Variants in KATNIP observed in about 807,000 individuals in gnomAD.
KATNIP encodes the protein katanin interacting protein.
A neutral mutation model predicts 174.0 loss-of-function variants in KATNIP; 126 were observed. That is an observed-to-expected ratio of 0.72 (90% CI 0.63 to 0.84). The LOEUF (loss-of-function observed/expected upper bound fraction) is 0.84. Among genes scored for constraint, KATNIP ranks in the 40% least tolerant of loss-of-function variants. The pLI, the probability that KATNIP is intolerant of heterozygous loss-of-function variation, is 0.00. For missense variants in KATNIP, 1,958 were observed against 2,109.7 expected, an observed-to-expected ratio of 0.93 and a Z score of 1.41; for synonymous variants, 810 against 835.7, an observed-to-expected ratio of 0.97 and a Z score of 0.53.
intron 14 of KATNIP, among the ~76,000 whole-genome samples, chr16:27,722,898 A>C (rs1204242068): frequency 6.6e-6 from 1 of 152,224 alleles, no homozygotes; most frequent in Non-Finnish European, 1.5e-5. Flanking sequence ...TTTTTAAACC[A>C]CCATACAATT....
At chr16:27,655,184 A>G (rs1345807874) in intron 6 of KATNIP, among the ~76,000 whole-genome samples, 1 of 8,460 alleles carries the variant, frequency 1.2e-4, no homozygotes, top group Non-Finnish European at 2.0e-4. Context: ...ATGGATATAT[A>G]TATATATATA....
chr16:27,720,387 G>A (rs538803996), intron 13 of KATNIP, among the ~76,000 whole-genome samples: 4 of 152,056 alleles, frequency 2.6e-5, no homozygotes, highest in Admixed American at 2.6e-4. Context: ...CACAGCACCT[G>A]GCCTACAGTC....
Position 27,698,386 on chromosome 16 carries a change from TGAGTACCCAGAGGAA to T in KATNIP, c.1002_1016del (p.Glu334_Glu338del). 3 of 1,613,300 alleles carry T rather than the reference TGAGTACCCAGAGGAA, an allele frequency of 1.9e-6. No individual in the cohort carries two copies. The highest frequency in any genetic ancestry group is 3.3e-5 in the Admixed American group (2 of 59,914). On this transcript the variant is annotated inframe_deletion, in exon 9 of 28. Transcript: ENST00000261588. ...CAACCCGCAAAACTCTTTGCGAGGC[TGAGTACCCAGAGGAA>T]GATGCCTCTGCTGTGCTCCAAGCCA...
intron 1 of KATNIP, among the ~76,000 whole-genome samples, chr16:27,565,766 AGAGT>A (rs768571518): frequency 4.3e-4 from 65 of 151,790 alleles, no homozygotes; most frequent in Non-Finnish European, 8.8e-4. Flanking sequence ...CCGGGACAGC[AGAGT>A]GAGATGTCTC....
intron 1 of KATNIP, among the ~76,000 whole-genome samples, chr16:27,569,387 A>C (rs777274729): frequency 6.6e-5 from 10 of 152,372 alleles, no homozygotes; most frequent in Non-Finnish European, 1.0e-4. Context: ...ACAAAATTCA[A>C]TGCAGTCACT....
In KATNIP at chr16:27,677,935, A is replaced by C. The variant is rs1318824875; in HGVS notation, c.747A>C (p.Glu249Asp). ...QKDVHGEQETEGRSSPGPDTL... is the reference protein window; with the variant it reads ...QKDVHGEQETDGRSSPGPDTL... The stretch of plus-strand genomic sequence containing the variant: ...ATGTTCACGGGGAACAGGAGACAGA[A>C]GGACGCTCTTCTCCAGGCCCAGACA... Residue 249 changes from glutamate (E) to aspartate (D), a missense_variant, in exon 7 of 28, where the codon GAA (glutamate) becomes GAC (aspartate). Around this residue, in one of 3 missense-constraint regions of KATNIP, gnomAD observed 1,557 missense variants for 1,617.8 expected, o/e 0.96. Transcript: ENST00000261588. 3 of 1,614,128 alleles carry C rather than the reference A, an allele frequency of 1.9e-6. No homozygotes were observed.
chr16:27,715,228 C>T (rs1280828758), intron 13 of KATNIP, among the ~76,000 whole-genome samples: 2 of 152,170 alleles, frequency 1.3e-5, no homozygotes, highest in African/African-American at 2.4e-5. Flanking sequence ...GGGACAAATG[C>T]GTTTCCACAT....
At chr16:27,623,735 C>T (rs1416610530) in intron 3 of KATNIP, among the ~76,000 whole-genome samples, 3 of 152,134 alleles carry the variant, frequency 2.0e-5, no homozygotes, top group African/African-American at 4.8e-5. Flanking sequence ...ACCCCTCAGG[C>T]GACCTGAGAT....
rs1404383291 is a variant in KATNIP at position 27,637,324 on chromosome 16, A to G, written c.408+6162A>G. On this transcript the variant is annotated intron_variant, in intron 5 of 27. Transcript: ENST00000261588. The surrounding 1 kb of genome is among the most constrained non-coding windows in gnomAD (Gnocchi z 4.7). ...GAGCACATACTCAGTTTTGGCACTT[A>G]CAGATGCCGGGTTCCAAGCAATAAG... 2.0e-5 allele frequency among the ~76,000 whole-genome samples: 3 copies of G among 152,228 alleles called. No individual in the cohort carries two copies. The highest frequency in any genetic ancestry group is 2.1e-4 in the South Asian group (1 of 4,818).
rs547282189 is a variant in KATNIP, at chr16:27,563,425, G to A, written c.8-10476G>A. Among the ~76,000 whole-genome samples the A allele has an allele frequency of 2.0e-5, 3 of 152,284 alleles. No homozygotes were observed. The East Asian group carries it at 5.8e-4, about 29-fold the overall frequency. ...TCCCATCTGTGCAGGAGTCCACTTG[G>A]GTGTATCGCTTGAGCCTGGGAGGTC... On this transcript the variant is annotated intron_variant, in intron 1 of 27. Coordinates refer to ENST00000261588, the MANE Select transcript of KATNIP (RefSeq NM_015202.5).
chr16:27,687,649 C>T (rs1319904222), intron 8 of KATNIP: 1 of 152,202 alleles, frequency 6.6e-6, no homozygotes, highest in East Asian at 1.9e-4. Context: ...CTTCTAGAAA[C>T]CTGTTGTCTT....
chr16:27,574,280 C>A (rs1197588924), intron 2 of KATNIP: 15 of 339,466 alleles, frequency 4.4e-5, no homozygotes, highest in Non-Finnish European at 7.3e-5. Context: ...TTGGGCTTAT[C>A]TGGGCAGTTC....
chr16:27,618,393 C>A, intron 2 of KATNIP, 32 bp from the exon 3 acceptor site: 1 of 1,548,582 alleles, frequency 6.5e-7, no homozygotes, highest in Non-Finnish European at 8.9e-7. Context: ...CCCTGCATTC[C>A]GATATCACAC....
At chr16:27,761,738 G>A (rs1033964411) in intron 19 of KATNIP, 148 bp downstream of exon 19, 14 of 722,576 alleles carry the variant, frequency 1.9e-5, no homozygotes, top group East Asian at 5.4e-5. Context: ...AAGGGAAACC[G>A]AGGCTCAGGA....
intron 2 of KATNIP, among the ~76,000 whole-genome samples, chr16:27,599,492 C>G (rs1281768894): frequency 6.6e-6 from 1 of 152,184 alleles, no homozygotes; most frequent in Non-Finnish European, 1.5e-5. Context: ...AGCCTTTGCT[C>G]CATGAATGGT....
At chr16:27,710,363 TAAAC>T (rs1200648416) in intron 13 of KATNIP, among the ~76,000 whole-genome samples, 2 of 151,764 alleles carry the variant, frequency 1.3e-5, no homozygotes, top group Non-Finnish European at 2.9e-5. Flanking sequence ...TCTCAACAAA[TAAAC>T]AAACAAACAA....
At chr16:27,705,817 A>C (rs953370821) in intron 12 of KATNIP, among the ~76,000 whole-genome samples, 2 of 152,032 alleles carry the variant, frequency 1.3e-5, no homozygotes, top group African/African-American at 2.4e-5. Context: ...CTGGGACTAC[A>C]GGGGCCCCCC....
intron 6 of KATNIP, among the ~76,000 whole-genome samples, chr16:27,656,508 A>G (rs904821811): frequency 6.6e-6 from 1 of 151,996 alleles, no homozygotes; most frequent in Non-Finnish European, 1.5e-5. Flanking sequence ...GAGTAAAGAA[A>G]TAACACAATA....
intron 5 of KATNIP, among the ~76,000 whole-genome samples, chr16:27,638,231 G>T (rs932053662): frequency 1.3e-5 from 2 of 152,194 alleles, no homozygotes; most frequent in Non-Finnish European, 2.9e-5. Flanking sequence ...TGCAAACCCT[G>T]CCTGCCCTGG....
Sources: gnomAD v4.1 joint callset for allele counts (sites outside exome capture counted in the v4.1 genomes callset) on GRCh38, gnomAD v4.1.1 for gene constraint, gnomAD v4.1.1 regional missense constraint, Gnocchi (gnomAD v3.1) non-coding constraint, MANE v1.5 for transcripts, NCBI Gene and HGNC (gene_info 2026-07-23, HGNC 2026-07-21) for gene names.